SLC2A13: variants seen among roughly 807,000 people sequenced by gnomAD.
SLC2A13 encodes the protein proton myo-inositol cotransporter.
Under a neutral mutation model 64.4 loss-of-function variants are expected in SLC2A13, and 32 were observed. That is an observed-to-expected ratio of 0.50 (90% CI 0.37 to 0.67). The LOEUF is 0.67. Ranked by LOEUF, SLC2A13 falls within the 30% of genes least tolerant of loss-of-function variation. The pLI is 0.00. For missense variants in SLC2A13, 743 were observed against 829.2 expected (o/e 0.90, Z 1.28); for synonymous variants, 338 against 327.1 (o/e 1.03, Z -0.36).
intron 4 of SLC2A13, among the ~76,000 whole-genome samples, chr12:39,908,569 G>A (rs1049391781): frequency 7.2e-5 from 11 of 151,892 alleles, no homozygotes; most frequent in Admixed American, 3.9e-4. Flanking sequence ...AAGGCGGGGA[G>A]GGGAGGGGAA....
intron 2 of SLC2A13, among the ~76,000 whole-genome samples, chr12:40,045,939 T>C (rs997283202): frequency 6.6e-6 from 1 of 152,204 alleles, no homozygotes; most frequent in South Asian, 2.1e-4. Context: ...AGCATCATTC[T>C]TGCCAATAAA....
intron 4 of SLC2A13, among the ~76,000 whole-genome samples, chr12:39,902,334 G>A (rs1426259695): frequency 6.6e-6 from 1 of 151,110 alleles, no homozygotes; most frequent in Admixed American, 6.6e-5. Context: ...AAAAATTAAA[G>A]TATAATAATA....
In SLC2A13 at chr12:39,871,862, T is replaced by A; in HGVS notation, c.1134A>T (p.Thr378=). ...TCTCAACAAGCCAGACTCCCACAAGTGTGAAAATGAAATTTGTGAAGGCTG... is the reference window on the plus strand; with the variant it reads ...TCTCAACAAGCCAGACTCCCACAAGAGTGAAAATGAAATTTGTGAAGGCTG... ...SVTAFTNFIF[T]LVGVWLVEKV... Residue 378 remains threonine (T), a synonymous_variant, in exon 5 of 10, where the codon ACA becomes ACT. Transcript: ENST00000280871. The A allele has an allele frequency of 6.2e-7, 1 of 1,612,652 alleles. No homozygotes were observed. Among genetic ancestry groups the A allele is most frequent in the Non-Finnish European group, 8.5e-7 (1 of 1,179,414 alleles).
chr12:40,097,097 TG>T (rs1938971879), intron 1 of SLC2A13, among the ~76,000 whole-genome samples: 1 of 152,292 alleles, frequency 6.6e-6, no homozygotes, highest in South Asian at 2.1e-4. Context: ...TCCTACTTAC[TG>T]AGGTGAATGC....
intron 1 of SLC2A13, 24 bp from the exon 2 acceptor site, chr12:40,048,234 T>C (rs1948199802): frequency 2.5e-6 from 4 of 1,580,096 alleles, no homozygotes; most frequent in Non-Finnish European, 3.4e-6. Context: ...GAAAAGTAAA[T>C]GTGAGACATT....
intron 1 of SLC2A13, among the ~76,000 whole-genome samples, chr12:40,104,170 A>C (rs917752643): frequency 1.3e-5 from 2 of 152,232 alleles, no homozygotes; most frequent in Non-Finnish European, 2.9e-5. Context: ...CATAGGGAAG[A>C]AATACTTCAA....
At chr12:39,905,953 TA>T (rs746690266) in intron 4 of SLC2A13, among the ~76,000 whole-genome samples, 5 of 152,128 alleles carry the variant, frequency 3.3e-5, no homozygotes, top group Non-Finnish European at 7.4e-5. Flanking sequence ...ATATTTGGTA[TA>T]AAAAGTATAT....
At chr12:39,791,094 G>C (rs1328134991) in intron 7 of SLC2A13, among the ~76,000 whole-genome samples, 2 of 149,116 alleles carry the variant, frequency 1.3e-5, no homozygotes, top group East Asian at 4.0e-4. Flanking sequence ...AAATTTGTTT[G>C]AGTTCATTGT....
intron 3 of SLC2A13, among the ~76,000 whole-genome samples, chr12:40,027,808 T>G (rs1257860604): frequency 1.3e-5 from 2 of 152,238 alleles, no homozygotes; most frequent in Non-Finnish European, 2.9e-5. Flanking sequence ...AATCAGACTG[T>G]CAAGATTATA....
In SLC2A13 at chr12:40,072,297, G is replaced by T. The variant is rs543491295; in HGVS notation, c.557-24087C>A. Among the ~76,000 whole-genome samples, 5 of 151,934 alleles carry T rather than the reference G, an allele frequency of 3.3e-5. No homozygotes were observed. In the South Asian group the frequency reaches 1.0e-3, roughly 31 times the overall value. ...ATTGTATTCTTTTTAAATTGTTAAG[G>T]TTTCACAGTTCAGAATGTGTTCTAC... is the stretch of plus-strand genomic sequence containing the variant. On this transcript the variant is annotated intron_variant, in intron 1 of 9. Transcript: ENST00000280871.
chr12:39,929,996 T>C (rs1226173277), intron 4 of SLC2A13, among the ~76,000 whole-genome samples: 1 of 151,748 alleles, frequency 6.6e-6, no homozygotes, highest in African/African-American at 2.4e-5. Context: ...CCAGGCATGG[T>C]GGTGCATGCC....
At chr12:39,782,870 T>A (rs1422763403) in intron 7 of SLC2A13, among the ~76,000 whole-genome samples, 1 of 152,158 alleles carries the variant, frequency 6.6e-6, no homozygotes, top group East Asian at 1.9e-4. Flanking sequence ...TTGTTATTTT[T>A]ATTATTATTA....
At chr12:40,092,538 T>C (rs1938802085) in intron 1 of SLC2A13, among the ~76,000 whole-genome samples, 1 of 152,164 alleles carries the variant, frequency 6.6e-6, no homozygotes, top group Non-Finnish European at 1.5e-5. Context: ...CACTTACACA[T>C]GTTTTTTGTC....
chr12:39,925,867 C>T (rs1945719314), intron 4 of SLC2A13, among the ~76,000 whole-genome samples: 1 of 152,100 alleles, frequency 6.6e-6, no homozygotes, highest in Non-Finnish European at 1.5e-5. Flanking sequence ...CCAGTCTTTC[C>T]CCAGTAATAC....
chr12:39,834,681 A>T (rs1432390860), intron 6 of SLC2A13, among the ~76,000 whole-genome samples: 4 of 151,898 alleles, frequency 2.6e-5, no homozygotes, highest in African/African-American at 9.7e-5. Flanking sequence ...TGGGAACTGT[A>T]TTTGTGCTAA....
chr12:40,059,654 C>G (rs559423894), intron 1 of SLC2A13, among the ~76,000 whole-genome samples: 1 of 152,272 alleles, frequency 6.6e-6, no homozygotes, highest in African/African-American at 2.4e-5. Flanking sequence ...CCAGGAACCT[C>G]CATGTGTTCA....
chr12:39,883,721 A>G (rs1229774440), intron 4 of SLC2A13, among the ~76,000 whole-genome samples: 1 of 152,214 alleles, frequency 6.6e-6, no homozygotes, highest in Non-Finnish European at 1.5e-5. Flanking sequence ...CATTCTATAT[A>G]AAAGCAACAT....
rs1943864708 is a variant in SLC2A13, at chr12:39,864,885, T to A, written c.1199-3A>T. On this transcript the variant is annotated splice_region_variant and splice_polypyrimidine_tract_variant and intron_variant, in intron 5 of 9. Transcript: ENST00000280871. ...AATAATGAGTGCTACGGTGGTACCT[T>A]AAAAAAAAAAAGTTTTATATTAGAG... is the stretch of plus-strand genomic sequence containing the variant. The A allele has an allele frequency of 8.0e-7, 1 of 1,253,724 alleles. No homozygotes were observed. The highest frequency in any genetic ancestry group is 2.2e-5 in the Admixed American group (1 of 46,142). The allele number at this position is 1,253,724 out of a possible 1,614,324, so 77.7% of individuals were successfully genotyped here.
intron 4 of SLC2A13, among the ~76,000 whole-genome samples, chr12:39,925,053 T>TC (rs1491231030): frequency 1.6e-5 from 2 of 128,106 alleles, no homozygotes; most frequent in African/African-American, 2.9e-5. Flanking sequence ...TTTTTTTTTT[T>TC]GAGGAAGAGT....
Sources: gnomAD v4.1 joint callset for allele counts (sites outside exome capture counted in the v4.1 genomes callset) on GRCh38, gnomAD v4.1.1 for gene constraint, MANE v1.5 for transcripts, NCBI Gene and HGNC (gene_info 2026-07-23, HGNC 2026-07-21) for gene names.